Variants in SYNE1 observed in about 807,000 individuals in gnomAD.
SYNE1 encodes the protein spectrin repeat containing nuclear envelope protein 1.
SYNE1 carries 616 observed loss-of-function variants against 1,111.0 expected under a neutral mutation model. The observed-to-expected ratio is 0.55, with a 90% CI of 0.52 to 0.59. The LOEUF (loss-of-function observed/expected upper bound fraction) is 0.59, where lower values mean the gene tolerates loss of function less well. Among genes scored for constraint, SYNE1 ranks in the 20% least tolerant of loss-of-function variants. SYNE1 has a pLI of 0.00. For synonymous variants in SYNE1, 3,855 were observed against 3,825.8 expected (o/e 1.01, Z -0.28); for missense variants, 10,006 against 10,417.0 (o/e 0.96, Z 1.72).
chr6:152,353,803 T>C, intron 67 of SYNE1, 59 bp from the exon 68 acceptor site: 1 of 1,600,512 alleles, frequency 6.2e-7, no homozygotes, highest in Non-Finnish European at 8.5e-7. Flanking sequence ...ATAAGCCAAA[T>C]GTATATCTTC....
Position 152,220,847 on chromosome 6 carries a change from A to G in SYNE1, c.21856T>C (p.Cys7286Arg). 1 of 1,613,650 alleles carries G rather than the reference A, an allele frequency of 6.2e-7. No individual in the cohort carries two copies. Among genetic ancestry groups the G allele is most frequent in the Non-Finnish European group, 8.5e-7 (1 of 1,179,884 alleles). Reference sequence around the variant, plus strand: ...AAGGTAGCTCCTGAACATACGTTGCAATCTTGAATCCATGTGGCAACCTCA... The same window carrying G: ...AAGGTAGCTCCTGAACATACGTTGCGATCTTGAATCCATGTGGCAACCTCA... ...DDEVATWIQDCNDLLKGLGTV... is the reference protein window; with the variant it reads ...DDEVATWIQDRNDLLKGLGTV... Residue 7286 changes from cysteine (C) to arginine (R), a missense_variant, in exon 119 of 146, where the codon TGC (cysteine) becomes CGC (arginine). Transcript: ENST00000367255.
chr6:152,390,149 C>T (rs1225423075), intron 53 of SYNE1, 131 bp downstream of exon 53: 9 of 959,326 alleles, frequency 9.4e-6, no homozygotes, highest in Non-Finnish European at 1.5e-5. Flanking sequence ...ACAACTTAGA[C>T]AAAGACAGGC....
intron 11 of SYNE1, among the ~76,000 whole-genome samples, chr6:152,490,560 G>T (rs933941428): frequency 6.6e-6 from 1 of 151,972 alleles, no homozygotes; most frequent in Admixed American, 6.6e-5. Flanking sequence ...TGTAACCCCT[G>T]CCTCTGTCTG....
At chr6:152,564,941 G>A (rs1221121757) in intron 3 of SYNE1, among the ~76,000 whole-genome samples, 1 of 152,166 alleles carries the variant, frequency 6.6e-6, no homozygotes, top group Non-Finnish European at 1.5e-5. Flanking sequence ...GATATTTTAT[G>A]TAAATGCTGT....
At chr6:152,268,954 G>A (rs2092969516) in intron 99 of SYNE1, among the ~76,000 whole-genome samples, 1 of 152,142 alleles carries the variant, frequency 6.6e-6, no homozygotes, top group South Asian at 2.1e-4. Flanking sequence ...TTTTCTTAAA[G>A]ACTGGATTTT....
chr6:152,278,231 G>A lies in SYNE1; in HGVS notation c.18431C>T (p.Ser6144Leu). ...EQKVVALSEL[S>L]VHNENLLLEG... ...CAGCAGCAGGTTCTCATTGTGGACT[G>A]ACAGTTCTGATAAAGCCACCACCTT... The change falls in exon 98 of 146, where the codon TCA becomes TTA. Residue 6144 changes from serine to leucine, a missense_variant. Physicochemically the swap from Ser to Leu is moderately radical, Grantham distance 145 (BLOSUM62 -2). Coordinates refer to ENST00000367255, the MANE Select transcript of SYNE1 (RefSeq NM_182961.4). The A allele has an allele frequency of 6.2e-7, 1 of 1,614,166 alleles. No individual in the cohort carries two copies. The highest frequency in any genetic ancestry group is 8.5e-7 in the Non-Finnish European group (1 of 1,180,042).
chr6:152,262,891 G>T (rs2092215499), intron 100 of SYNE1, among the ~76,000 whole-genome samples: 1 of 150,690 alleles, frequency 6.6e-6, no homozygotes, highest in Non-Finnish European at 1.5e-5. Context: ...GTAGTACAGG[G>T]CACGGAGGGA....
At chr6:152,605,000 GAAAGAA>G (rs1216768345) in intron 3 of SYNE1, among the ~76,000 whole-genome samples, 650 of 26,304 alleles carry the variant, frequency 0.025, 2 homozygotes, top group African/African-American at 0.03. Flanking sequence ...AAGAAAGAAA[GAAAGAA>G]AGAGAGAGAG....
At position 152,262,698 on chromosome 6, in the gene SYNE1, A is replaced by G. The variant is rs533015695; in HGVS notation, c.18816-510T>C. Among the ~76,000 whole-genome samples the G allele has an allele frequency of 1.1e-4, 17 of 152,138 alleles. No individual in the cohort carries two copies. The South Asian group carries it at 3.3e-3, about 30-fold the overall frequency. On this transcript the variant is annotated intron_variant, in intron 100 of 145. Transcript: ENST00000367255. ...AAGGTAGTACAGGGCATGGAGGGATAGTACAGGACCTGGGAAGGTAGTACA... is the reference window on the plus strand; with the variant it reads ...AAGGTAGTACAGGGCATGGAGGGATGGTACAGGACCTGGGAAGGTAGTACA...
intron 95 of SYNE1, among the ~76,000 whole-genome samples, chr6:152,289,160 G>A (rs2153748945): frequency 6.6e-6 from 1 of 152,256 alleles, no homozygotes; most frequent in South Asian, 2.1e-4. Context: ...CCATAACTCT[G>A]AGTATAAGAG....
Position 152,321,453 on chromosome 6 carries a change from G to T in SYNE1, c.16084-63C>A, listed in dbSNP as rs907349630. 17 of 1,568,812 alleles carry T rather than the reference G, an allele frequency of 1.1e-5. No individual in the cohort carries two copies. In the East Asian group the frequency reaches 3.4e-4, roughly 31 times the overall value. On this transcript the variant is annotated intron_variant, in intron 83 of 145. Transcript: ENST00000367255. Reference sequence around the variant, plus strand: ...TTCTAAGGGGACTGTTATAGACAAGGCTGTATATTTTTCATCAACATATAA... The same window carrying T: ...TTCTAAGGGGACTGTTATAGACAAGTCTGTATATTTTTCATCAACATATAA...
intron 3 of SYNE1, among the ~76,000 whole-genome samples, chr6:152,610,758 C>T (rs1245734463): frequency 2.0e-5 from 3 of 152,148 alleles, no homozygotes; most frequent in African/African-American, 4.8e-5. Context: ...GGTCGGGTTA[C>T]CCATAAAGGG....
intron 3 of SYNE1, among the ~76,000 whole-genome samples, chr6:152,590,047 C>T (rs2099554315): frequency 2.0e-5 from 3 of 151,320 alleles, no homozygotes; most frequent in Admixed American, 2.0e-4. Flanking sequence ...AACCCTCTTG[C>T]CTCAGTCTCA....
At chr6:152,245,246 A>C (rs571126406) in intron 105 of SYNE1, among the ~76,000 whole-genome samples, 1 of 152,346 alleles carries the variant, frequency 6.6e-6, no homozygotes, top group Admixed American at 6.5e-5. Flanking sequence ...CCTGTCCTTC[A>C]AGGAGCTGAT....
chr6:152,237,395 G>A (rs1167058262), intron 108 of SYNE1, among the ~76,000 whole-genome samples: 3 of 146,860 alleles, frequency 2.0e-5, no homozygotes, highest in Non-Finnish European at 4.5e-5. Context: ...CTGTAGACTC[G>A]AACTCCTGGG....
At chr6:152,313,982 C>T (rs149473991) in intron 87 of SYNE1, among the ~76,000 whole-genome samples, 217 of 152,256 alleles carry the variant, frequency 1.4e-3, no homozygotes, top group African/African-American at 5.1e-3. Flanking sequence ...TTGACTCCTC[C>T]CTCTCTTTCA....
chr6:152,496,452 C>A (rs2098999846), intron 11 of SYNE1, among the ~76,000 whole-genome samples: 1 of 152,124 alleles, frequency 6.6e-6, no homozygotes. Flanking sequence ...TCCTTTATTA[C>A]CTCTTTTTCT....
chr6:152,291,602 T>C (rs1269219471), intron 95 of SYNE1, among the ~76,000 whole-genome samples: 2 of 152,144 alleles, frequency 1.3e-5, no homozygotes, highest in Admixed American at 6.6e-5. Flanking sequence ...GTGGTGCTGA[T>C]TGGAAGCTAA....
chr6:152,419,422 T>C (rs2154186488), intron 40 of SYNE1, 147 bp downstream of exon 40: 1 of 882,270 alleles, frequency 1.1e-6, no homozygotes, highest in Non-Finnish European at 1.7e-6. Flanking sequence ...TTAACTCATA[T>C]GCTCAATTAT....
Sources: allele counts gnomAD v4.1 joint callset (sites outside exome capture counted in the v4.1 genomes callset), GRCh38; gene constraint gnomAD v4.1.1; transcripts MANE v1.5; gene names NCBI Gene and HGNC (gene_info 2026-07-23, HGNC 2026-07-21).